Variants in TANGO6 observed in about 807,000 individuals in gnomAD.
The protein encoded by TANGO6 is transport and golgi organization 6 homolog.
In TANGO6, 90 loss-of-function variants were observed where a neutral mutation model predicts 114.2. The observed-to-expected ratio is 0.79, with a 90% confidence interval of 0.66 to 0.94. TANGO6 has a LOEUF of 0.94. TANGO6 is among the 40% of genes least tolerant of loss of function. The pLI, the probability that TANGO6 is intolerant of heterozygous loss-of-function variation, is 0.00. For synonymous variants in TANGO6, 477 were observed against 509.8 expected, an observed-to-expected ratio of 0.94 and a Z score of 0.87; for missense variants, 1,274 against 1,315.3, an observed-to-expected ratio of 0.97 and a Z score of 0.49.
chr16:68,900,051 A>G (rs1247659845), intron 7 of TANGO6, among the ~76,000 whole-genome samples: 1 of 152,134 alleles, frequency 6.6e-6, no homozygotes, highest in Admixed American at 6.6e-5. Context: ...TCCCTTTGGT[A>G]GTAATTACTT....
At chr16:68,893,568 T>A (rs1962660482) in intron 7 of TANGO6, among the ~76,000 whole-genome samples, 1 of 151,300 alleles carries the variant, frequency 6.6e-6, no homozygotes, top group Non-Finnish European at 1.5e-5. Context: ...TGAAACCGTG[T>A]CTACTAAAAA....
chr16:68,978,704 T>C (rs1482075435), intron 15 of TANGO6, among the ~76,000 whole-genome samples: 1 of 152,030 alleles, frequency 6.6e-6, no homozygotes, highest in Non-Finnish European at 1.5e-5. Flanking sequence ...CACCCCTACC[T>C]CTTCTCTGCA....
chr16:68,844,679 C>T (rs147934729), intron 1 of TANGO6, among the ~76,000 whole-genome samples: 47 of 152,220 alleles, frequency 3.1e-4, no homozygotes, highest in African/African-American at 1.1e-3. Context: ...AAATGAGTGC[C>T]TACTAAGTAT....
intron 1 of TANGO6, among the ~76,000 whole-genome samples, chr16:68,849,683 A>T (rs1961870461): frequency 6.6e-6 from 1 of 152,072 alleles, no homozygotes; most frequent in Non-Finnish European, 1.5e-5. Context: ...AAAAGGAAAA[A>T]GAAATTGTCA....
At chr16:68,938,004 G>A (rs530975862) in intron 14 of TANGO6, among the ~76,000 whole-genome samples, 1 of 152,276 alleles carries the variant, frequency 6.6e-6, no homozygotes, top group African/African-American at 2.4e-5. Flanking sequence ...TTAGCCTTTT[G>A]AGGAACTGCT....
intron 17 of TANGO6, among the ~76,000 whole-genome samples, chr16:69,072,470 G>T (rs1435088952): frequency 6.6e-6 from 1 of 152,046 alleles, no homozygotes; most frequent in Non-Finnish European, 1.5e-5. Context: ...CCTATATCCT[G>T]CCCCCGACAG....
chr16:68,930,081 A>G (rs1450430500), intron 13 of TANGO6, among the ~76,000 whole-genome samples, 157 bp from the exon 14 acceptor site: 1 of 152,178 alleles, frequency 6.6e-6, no homozygotes, highest in Admixed American at 6.5e-5. Context: ...AGACTTAAGC[A>G]TATATGCCAT....
chr16:69,068,024 C>T (rs1960244926), intron 17 of TANGO6, among the ~76,000 whole-genome samples: 1 of 151,762 alleles, frequency 6.6e-6, no homozygotes, highest in African/African-American at 2.4e-5. Flanking sequence ...GCCTGTAGTC[C>T]CAGCTACTCG....
At chr16:69,078,450 G>A (rs1026066599) in intron 17 of TANGO6, among the ~76,000 whole-genome samples, 2 of 152,158 alleles carry the variant, frequency 1.3e-5, no homozygotes, top group Admixed American at 6.6e-5. Flanking sequence ...CTTGTTACCC[G>A]CTGAATTAAC....
intron 14 of TANGO6, among the ~76,000 whole-genome samples, chr16:68,957,123 TA>T (rs1963537975): frequency 1.3e-5 from 2 of 152,048 alleles, no homozygotes; most frequent in African/African-American, 4.8e-5. Flanking sequence ...TTTTAATAAT[TA>T]AAAAATATTT....
intron 16 of TANGO6, chr16:69,036,038 G>A (rs1185574113): frequency 7.5e-6 from 1 of 133,932 alleles, no homozygotes; most frequent in Non-Finnish European, 1.5e-5. Flanking sequence ...GCAAGACTCT[G>A]CCTCAAAAAA....
At chr16:68,880,863 G>A (rs1052986879) in intron 7 of TANGO6, among the ~76,000 whole-genome samples, 7 of 151,918 alleles carry the variant, frequency 4.6e-5, no homozygotes, top group African/African-American at 9.7e-5. Context: ...CACTTGAACC[G>A]TTGGAATGAC....
chr16:68,846,776 A>G (rs1182990756), intron 1 of TANGO6: 1 of 153,600 alleles, frequency 6.5e-6, no homozygotes, highest in Non-Finnish European at 1.4e-5. Context: ...AAGTGCTGGG[A>G]TTACAGATGT....
Position 68,878,290 on chromosome 16 carries a change from G to T in TANGO6, c.1294+10G>T, listed in dbSNP as rs939096927. On this transcript the variant is annotated intron_variant, in intron 6 of 17. Transcript: ENST00000261778. ...TGTTTGAATACAGCAGGTAAAGGAGGAAGTGTGGTGGCTGTGTGTGCCTCT... is the reference window on the plus strand; with the variant it reads ...TGTTTGAATACAGCAGGTAAAGGAGTAAGTGTGGTGGCTGTGTGTGCCTCT... The T allele has an allele frequency of 1.3e-6, 2 of 1,584,598 alleles. No individual in the cohort carries two copies. Among genetic ancestry groups the T allele is most frequent in the Non-Finnish European group, 1.7e-6 (2 of 1,166,564 alleles).
chr16:68,915,172 T>TAA (rs1440403857), intron 11 of TANGO6, among the ~76,000 whole-genome samples: 1 of 95,662 alleles, frequency 1.0e-5, no homozygotes, highest in African/African-American at 4.5e-5. Flanking sequence ...AAACTCTGTC[T>TAA]CAAAAAAAAA....
At chr16:68,906,993 C>T (rs988765325) in intron 9 of TANGO6, among the ~76,000 whole-genome samples, 10 of 151,998 alleles carry the variant, frequency 6.6e-5, no homozygotes, top group Non-Finnish European at 1.0e-4. Flanking sequence ...CGGGGTTTCA[C>T]CATGTTGGCC....
intron 15 of TANGO6, among the ~76,000 whole-genome samples, chr16:69,019,234 C>T (rs1959359748): frequency 6.6e-6 from 1 of 152,148 alleles, no homozygotes; most frequent in Non-Finnish European, 1.5e-5. Flanking sequence ...AGATATGTAA[C>T]TACCTCTCTA....
chr16:68,873,614 G>C (rs999593459), intron 4 of TANGO6, among the ~76,000 whole-genome samples: 1 of 151,966 alleles, frequency 6.6e-6, no homozygotes, highest in South Asian at 2.1e-4. Flanking sequence ...GTGCCCAGCC[G>C]AGGTTTAGTC....
rs58310609 is a variant in TANGO6 at position 69,072,026 on chromosome 16, CGTGTGT to C, written c.3109-11422_3109-11417del. ...AGGGAGGGTGAAGAGAGAGGGAGACCGTGTGTGTGTGTGTGTGTGTGTGTGTGTGTG... is the reference window on the plus strand; with the variant it reads ...AGGGAGGGTGAAGAGAGAGGGAGACCGTGTGTGTGTGTGTGTGTGTGTGTG... On this transcript the variant is annotated intron_variant, in intron 17 of 17. Transcript: ENST00000261778. Among the ~76,000 whole-genome samples the C allele has an allele frequency of 5.5e-3, 512 of 93,014 alleles. 7 individuals carry two copies. Among genetic ancestry groups the C allele is most frequent in the African/African-American group, 0.019 (390 of 20,646 alleles). 61.0% of individuals were successfully genotyped at this position (93,014 alleles called of 152,430 possible). A position where few individuals can be genotyped will look rare whatever the true frequency, so the allele number is the denominator to read the frequency against.
Sources: gnomAD v4.1 joint callset for allele counts (sites outside exome capture counted in the v4.1 genomes callset) on GRCh38, gnomAD v4.1.1 for gene constraint, MANE v1.5 for transcripts, NCBI Gene and HGNC (gene_info 2026-07-23, HGNC 2026-07-21) for gene names.